SNTB1: variants seen among roughly 807,000 people sequenced by gnomAD.
SNTB1 encodes beta-1-syntrophin.
Under a neutral mutation model 48.9 loss-of-function variants are expected in SNTB1, and 36 were observed. That is an observed-to-expected ratio of 0.74 (90% CI 0.56 to 0.97). The LOEUF (loss-of-function observed/expected upper bound fraction) is 0.97, where lower values mean the gene tolerates loss of function less well. Among genes scored for constraint, SNTB1 ranks in the 50% least tolerant of loss-of-function variants. SNTB1 has a pLI of 0.00. For missense variants in SNTB1, 786 were observed against 703.4 expected (o/e 1.12, Z -1.33); for synonymous variants, 299 against 294.6 (o/e 1.01, Z -0.15).
intron 1 of SNTB1, among the ~76,000 whole-genome samples, chr8:120,781,927 A>G (rs1399616953): frequency 2.0e-5 from 3 of 152,336 alleles, no homozygotes; most frequent in East Asian, 1.9e-4. Flanking sequence ...AGCCAGGTGT[A>G]TTAGTTTGCT....
chr8:120,707,349 G>C (rs917429691), intron 1 of SNTB1, among the ~76,000 whole-genome samples: 12 of 152,234 alleles, frequency 7.9e-5, no homozygotes, highest in African/African-American at 2.9e-4. Flanking sequence ...CTGCGCTTCT[G>C]CACTGGATTT....
At chr8:120,668,094 T>G (rs923246540) in intron 2 of SNTB1, among the ~76,000 whole-genome samples, 5 of 152,224 alleles carry the variant, frequency 3.3e-5, no homozygotes, top group Non-Finnish European at 7.3e-5. Context: ...GGATTCTCTG[T>G]GTAGTTCTCT....
chr8:120,565,029 A>G (rs1242087008), intron 4 of SNTB1, among the ~76,000 whole-genome samples: 1 of 152,210 alleles, frequency 6.6e-6, no homozygotes, highest in Non-Finnish European at 1.5e-5. Context: ...CAGCAAATCC[A>G]ATGGTCTTCC....
intron 1 of SNTB1, among the ~76,000 whole-genome samples, chr8:120,777,132 T>C (rs1028190930): frequency 2.6e-5 from 4 of 152,214 alleles, no homozygotes; most frequent in Non-Finnish European, 4.4e-5. Flanking sequence ...ATTGCTACTA[T>C]GGTTTCAACT....
At chr8:120,805,378 A>G (rs1023681932) in intron 1 of SNTB1, among the ~76,000 whole-genome samples, 1 of 152,196 alleles carries the variant, frequency 6.6e-6, no homozygotes, top group African/African-American at 2.4e-5. Flanking sequence ...TGTGTTTCTT[A>G]GTGACCAAAG....
At chr8:120,680,204 C>T (rs1328987698) in intron 2 of SNTB1, among the ~76,000 whole-genome samples, 1 of 152,144 alleles carries the variant, frequency 6.6e-6, no homozygotes, top group African/African-American at 2.4e-5. Context: ...CCTGTACTTT[C>T]CTCATTGTCT....
At chr8:120,644,595 C>T (rs368803717) in intron 2 of SNTB1, among the ~76,000 whole-genome samples, 29 of 152,146 alleles carry the variant, frequency 1.9e-4, no homozygotes, top group African/African-American at 3.1e-4. Context: ...CAAGTCTTTG[C>T]TATTGTGAAT....
intron 1 of SNTB1, among the ~76,000 whole-genome samples, chr8:120,788,845 A>G (rs1295403159): frequency 6.6e-6 from 1 of 152,066 alleles, no homozygotes; most frequent in Non-Finnish European, 1.5e-5. Flanking sequence ...GAGGCAGAAA[A>G]TCAACAAAGA....
At chr8:120,677,825 C>T (rs1262325345) in intron 2 of SNTB1, among the ~76,000 whole-genome samples, 1 of 152,028 alleles carries the variant, frequency 6.6e-6, no homozygotes, top group Admixed American at 6.5e-5. Context: ...TAATGAAATC[C>T]AGGTTGGCCT....
chr8:120,752,089 GAGA>G (rs1436467155), intron 1 of SNTB1, among the ~76,000 whole-genome samples: 8 of 152,112 alleles, frequency 5.3e-5, no homozygotes, highest in Non-Finnish European at 1.2e-4. Context: ...ACAGTGAGAA[GAGA>G]AGAACATCAA....
intron 3 of SNTB1, among the ~76,000 whole-genome samples, chr8:120,588,408 AC>A (rs1563824969): frequency 1.3e-5 from 2 of 152,106 alleles, no homozygotes; most frequent in Non-Finnish European, 2.9e-5. Context: ...AAAAAAAAAA[AC>A]AAGAATTGAT....
At chr8:120,770,172 A>G (rs946832683) in intron 1 of SNTB1, among the ~76,000 whole-genome samples, 1 of 152,208 alleles carries the variant, frequency 6.6e-6, no homozygotes, top group African/African-American at 2.4e-5. Context: ...CACAGTAGTC[A>G]TGACTGTGAT....
At chr8:120,655,446 C>A (rs141129818) in intron 2 of SNTB1, among the ~76,000 whole-genome samples, 1 of 152,166 alleles carries the variant, frequency 6.6e-6, no homozygotes, top group Non-Finnish European at 1.5e-5. Context: ...TATCCTCACA[C>A]CATCCTATGA....
At chr8:120,548,666 A>G in intron 5 of SNTB1, 96 bp downstream of exon 5, 1 of 1,066,492 alleles carries the variant, frequency 9.4e-7, no homozygotes, top group South Asian at 1.4e-5. Context: ...AACTATCCCC[A>G]GAGGCCAGTG....
intron 1 of SNTB1, among the ~76,000 whole-genome samples, chr8:120,741,727 T>C (rs1460409953): frequency 6.6e-6 from 1 of 152,262 alleles, no homozygotes; most frequent in Admixed American, 6.5e-5. Flanking sequence ...CATTTTTCTA[T>C]ATCAGTGGTC....
intron 1 of SNTB1, among the ~76,000 whole-genome samples, chr8:120,703,300 T>G (rs1441074952): frequency 1.3e-5 from 2 of 152,216 alleles, no homozygotes; most frequent in African/African-American, 4.8e-5. Flanking sequence ...GATTTTTGTA[T>G]TTTTAGTAGA....
In SNTB1 at chr8:120,689,427, C is replaced by T. The variant is rs1200077181; in HGVS notation, c.788+4265G>A. Among the ~76,000 whole-genome samples, 5 of 152,108 alleles carry T rather than the reference C, an allele frequency of 3.3e-5. No homozygotes were observed. The East Asian group carries it at 5.8e-4, about 18-fold the overall frequency. On this transcript the variant is annotated intron_variant, in intron 2 of 6. Transcript: ENST00000517992. ...GGTCAGCTAGGCTTGGGTTTGAATC[C>T]GAGATCTACCGTTTGCTTCAACTCT...
intron 1 of SNTB1, among the ~76,000 whole-genome samples, chr8:120,754,403 G>A (rs1819278044): frequency 6.6e-6 from 1 of 152,110 alleles, no homozygotes; most frequent in Non-Finnish European, 1.5e-5. Flanking sequence ...GGAGGCTGAG[G>A]TAGGAGAATT....
At chr8:120,733,915 A>T (rs1481950576) in intron 1 of SNTB1, among the ~76,000 whole-genome samples, 1 of 152,212 alleles carries the variant, frequency 6.6e-6, no homozygotes, top group East Asian at 1.9e-4. Flanking sequence ...ACAGGAGTGT[A>T]TAATATCTGT....
Sources: gnomAD v4.1 joint callset for allele counts (sites outside exome capture counted in the v4.1 genomes callset) on GRCh38, gnomAD v4.1.1 for gene constraint, MANE v1.5 for transcripts, NCBI Gene and HGNC (gene_info 2026-07-23, HGNC 2026-07-21) for gene names.